Variants in NEK7 observed in about 807,000 individuals in gnomAD.
NEK7 encodes NIMA related kinase 7.
A neutral mutation model predicts 44.6 loss-of-function variants in NEK7; 18 were observed. The observed-to-expected ratio is 0.40, with a 90% confidence interval of 0.28 to 0.60. The LOEUF (loss-of-function observed/expected upper bound fraction) is 0.60. Ranked by LOEUF, NEK7 falls within the 20% of genes least tolerant of loss-of-function variation. The pLI is 0.38. For missense variants in NEK7, 256 were observed against 366.5 expected, an observed-to-expected ratio of 0.70 and a Z score of 2.46; for synonymous variants, 130 against 121.1, an observed-to-expected ratio of 1.07 and a Z score of -0.48.
rs192555164 is a variant in NEK7, at chr1:198,294,648, A to G, written c.684+1609A>G. Among the ~76,000 whole-genome samples the G allele has an allele frequency of 2.7e-3, 415 of 152,258 alleles. 2 individuals are homozygous for G. The highest frequency in any genetic ancestry group is 7.0e-3 in the African/African-American group (293 of 41,580). On this transcript the variant is annotated intron_variant, in intron 8 of 9. Transcript: ENST00000367385. ...TGTCAAAACTGAAATAATTTATCAC[A>G]TTTTGAATTTGCCTTTGAGAGACGG...
intron 8 of NEK7, among the ~76,000 whole-genome samples, chr1:198,296,217 C>G (rs1654712034): frequency 6.6e-6 from 1 of 152,200 alleles, no homozygotes; most frequent in Non-Finnish European, 1.5e-5. Flanking sequence ...CAAAATCAAA[C>G]TTATTAGCAC....
rs1653436093 is a variant in NEK7, at chr1:198,260,781, AAAT to A, written c.199-1790_199-1788del. ...GTTTTCATTAGAAGTAGTAGAACCA[AAAT>A]AATGTTAGTGAAAAAGCATATATAT... On this transcript the variant is annotated intron_variant, in intron 3 of 9. Coordinates refer to ENST00000367385, the MANE Select transcript of NEK7 (RefSeq NM_133494.3). 2.6e-5 allele frequency among the ~76,000 whole-genome samples: 4 copies of A among 152,086 alleles called. No homozygotes were observed. In the South Asian group the frequency reaches 8.3e-4, roughly 31 times the overall value.
intron 4 of NEK7, among the ~76,000 whole-genome samples, chr1:198,263,690 A>T (rs1207103369): frequency 6.6e-6 from 1 of 151,938 alleles, no homozygotes; most frequent in African/African-American, 2.4e-5. Flanking sequence ...TTTGTCTACT[A>T]GCTGGAGTTA....
At chr1:198,207,469 C>A (rs1665631475) in intron 1 of NEK7, among the ~76,000 whole-genome samples, 1 of 152,044 alleles carries the variant, frequency 6.6e-6, no homozygotes, top group Admixed American at 6.6e-5. Flanking sequence ...AATGCAGACC[C>A]CCCTCAGTTG....
intron 9 of NEK7, among the ~76,000 whole-genome samples, chr1:198,309,620 A>C (rs1460220372): frequency 6.9e-6 from 1 of 145,910 alleles, no homozygotes; most frequent in Non-Finnish European, 1.5e-5. Flanking sequence ...CAGTCCCCAG[A>C]GTGTGATGTT....
intron 1 of NEK7, among the ~76,000 whole-genome samples, chr1:198,181,113 A>G (rs1452925583): frequency 6.6e-6 from 1 of 152,110 alleles, no homozygotes; most frequent in Non-Finnish European, 1.5e-5. Flanking sequence ...CTTAGACCAT[A>G]GTATCATCTT....
intron 1 of NEK7, among the ~76,000 whole-genome samples, chr1:198,186,994 G>A (rs577645817): frequency 6.6e-6 from 1 of 152,176 alleles, no homozygotes; most frequent in African/African-American, 2.4e-5. Flanking sequence ...AGTATGTTAT[G>A]CATTATGACT....
intron 5 of NEK7, among the ~76,000 whole-genome samples, chr1:198,271,905 TTA>T (rs34354855): frequency 0.15 from 21,843 of 141,226 alleles, 2,258 homozygotes; most frequent in South Asian, 0.26. Flanking sequence ...AATTTATATT[TTA>T]TATATATATA....
At chr1:198,206,798 T>C (rs1185322203) in intron 1 of NEK7, 1 of 152,196 alleles carries the variant, frequency 6.6e-6, no homozygotes, top group Non-Finnish European at 1.5e-5. Context: ...TCTATGGTTA[T>C]ATGTTATGCA....
At chr1:198,275,051 T>G (rs1309100745) in intron 5 of NEK7, among the ~76,000 whole-genome samples, 1 of 151,712 alleles carries the variant, frequency 6.6e-6, no homozygotes, top group Non-Finnish European at 1.5e-5. Context: ...TATACATACT[T>G]TTATATGTAA....
chr1:198,226,276 G>A (rs1201990165), intron 1 of NEK7, among the ~76,000 whole-genome samples: 1 of 152,094 alleles, frequency 6.6e-6, no homozygotes, highest in African/African-American at 2.4e-5. Flanking sequence ...TGGGCGTGAT[G>A]GCTCACCCCT....
intron 1 of NEK7, among the ~76,000 whole-genome samples, chr1:198,190,320 T>G (rs1407175824): frequency 6.6e-6 from 1 of 152,074 alleles, no homozygotes; most frequent in Admixed American, 6.6e-5. Flanking sequence ...TGCCTCCGTC[T>G]TCTTAAATCT....
intron 1 of NEK7, among the ~76,000 whole-genome samples, chr1:198,173,679 G>A (rs1054294731): frequency 1.5e-5 from 2 of 135,478 alleles, no homozygotes; most frequent in Non-Finnish European, 1.6e-5. Context: ...ACAGATTCAG[G>A]TTTCTGAAAA....
At chr1:198,279,106 T>C (rs372016479) in intron 7 of NEK7, 45 bp downstream of exon 7, 34 of 1,166,010 alleles carry the variant, frequency 2.9e-5, no homozygotes, top group Middle Eastern at 1.9e-4. Flanking sequence ...TGTGTATGTG[T>C]GATTAAAAGA....
At chr1:198,307,548 C>T (rs907917060) in intron 9 of NEK7, among the ~76,000 whole-genome samples, 8 of 152,098 alleles carry the variant, frequency 5.3e-5, no homozygotes, top group African/African-American at 9.7e-5. Context: ...ACCCACTACA[C>T]GGCACACTAT....
chr1:198,260,390 GT>G (rs1420940523), intron 3 of NEK7, among the ~76,000 whole-genome samples: 2 of 151,210 alleles, frequency 1.3e-5, no homozygotes, highest in Admixed American at 1.3e-4. Flanking sequence ...CTTTGTGATA[GT>G]GATTTGCCAC....
intron 1 of NEK7, among the ~76,000 whole-genome samples, chr1:198,210,316 C>T (rs1034102769): frequency 5.9e-5 from 9 of 152,054 alleles, no homozygotes; most frequent in African/African-American, 1.9e-4. Flanking sequence ...GAACTCCTGG[C>T]CCCCCAAGTT....
intron 1 of NEK7, among the ~76,000 whole-genome samples, chr1:198,174,778 G>A (rs1664558493): frequency 6.6e-6 from 1 of 151,834 alleles, no homozygotes; most frequent in African/African-American, 2.4e-5. Flanking sequence ...TTTGGGGGGG[G>A]ACAGGGTCTT....
intron 2 of NEK7, among the ~76,000 whole-genome samples, chr1:198,248,187 T>C (rs1400862537): frequency 1.3e-5 from 2 of 152,202 alleles, no homozygotes; most frequent in East Asian, 3.8e-4. Context: ...GGGCATGTGA[T>C]AGTTTTAAAT....
Sources: allele counts gnomAD v4.1 joint callset (sites outside exome capture counted in the v4.1 genomes callset), GRCh38; gene constraint gnomAD v4.1.1; transcripts MANE v1.5; gene names NCBI Gene and HGNC (gene_info 2026-07-23, HGNC 2026-07-21).